The following PBX1 variants were observed in gnomAD, a reference collection of about 807,000 sequenced individuals.
PBX1 encodes PBX homeobox 1.
In PBX1, 6 loss-of-function variants were observed where a neutral mutation model predicts 53.4. The ratio of observed to expected loss-of-function variants is 0.11; its 90% confidence interval spans 0.06 to 0.22. The LOEUF (loss-of-function observed/expected upper bound fraction) is 0.22, where lower values mean the gene tolerates loss of function less well. Ranked by LOEUF, PBX1 falls within the 10% of genes least tolerant of loss-of-function variation. The probability of loss-of-function intolerance (pLI) is 1.00; values close to 1 mark genes in which losing one functional copy is unlikely to be tolerated. For synonymous variants in PBX1, 204 were observed against 212.3 expected, an observed-to-expected ratio of 0.96 and a Z score of 0.34; for missense variants, 251 against 551.4, an observed-to-expected ratio of 0.46 and a Z score of 5.46.
At chr1:164,728,664 C>T (rs1184740810) in intron 2 of PBX1, among the ~76,000 whole-genome samples, 2 of 152,126 alleles carry the variant, frequency 1.3e-5, no homozygotes, top group African/African-American at 4.8e-5. Context: ...CTTCATTCAA[C>T]AGAAGGAGGG....
Position 164,566,949 on chromosome 1 carries a change from A to G in PBX1, c.265+3638A>G, listed in dbSNP as rs542025929. Among the ~76,000 whole-genome samples the G allele has an allele frequency of 4.6e-5, 7 of 152,294 alleles. No individual in the cohort carries two copies. The South Asian group carries it at 1.5e-3, about 32-fold the overall frequency. On this transcript the variant is annotated intron_variant, in intron 2 of 8. Transcript: ENST00000420696. ...AAAAAAATTTATTTTTTGCTCCTTA[A>G]CACCCTTTTGTTCTCTCTCTTTCCT...
intron 2 of PBX1, among the ~76,000 whole-genome samples, chr1:164,670,465 A>G (rs1661052418): frequency 6.6e-6 from 1 of 151,916 alleles, no homozygotes; most frequent in African/African-American, 2.4e-5. Flanking sequence ...ACCCCGTGTG[A>G]CTCCTGTATT....
At chr1:164,560,247 T>A in intron 1 of PBX1, 1 of 437,828 alleles carries the variant, frequency 2.3e-6, no homozygotes, top group Admixed American at 4.1e-5. Flanking sequence ...TGTGTGTGTG[T>A]GAATATAGGG....
intron 2 of PBX1, among the ~76,000 whole-genome samples, chr1:164,717,067 G>A (rs1252209746): frequency 6.6e-6 from 1 of 152,130 alleles, no homozygotes; most frequent in Admixed American, 6.5e-5. Context: ...ATACACGAAC[G>A]CAGAATGGTC....
chr1:164,860,602 C>T (rs1017556768), intron 2 of PBX1, among the ~76,000 whole-genome samples: 4 of 152,198 alleles, frequency 2.6e-5, no homozygotes, highest in African/African-American at 7.2e-5. Flanking sequence ...GACCCACTTA[C>T]GTACTCCTTC....
chr1:164,678,123 A>T (rs1199936113), intron 2 of PBX1, among the ~76,000 whole-genome samples: 1 of 152,068 alleles, frequency 6.6e-6, no homozygotes, highest in African/African-American at 2.4e-5. Flanking sequence ...AACAGAGGAG[A>T]TATAGTGAAA....
In PBX1 at chr1:164,815,244, A is replaced by G. The variant is rs12032994; in HGVS notation, c.997+3095A>G. ...CTGCAGAGGATTTTAACATCCAAGA[A>G]GAAAGAAATTGACTTGTGCATTACA... On this transcript the variant is annotated intron_variant, in intron 6 of 8. Coordinates refer to ENST00000420696, the MANE Select transcript of PBX1 (RefSeq NM_002585.4). 22 of 152,384 alleles carry G rather than the reference A, an allele frequency of 1.4e-4. No homozygotes were observed. The East Asian group carries it at 4.2e-3, about 29-fold the overall frequency. 9.4% of individuals were successfully genotyped at this position (152,384 alleles called of 1,614,324 possible). A position where few individuals can be genotyped will look rare whatever the true frequency, so the allele number is the denominator to read the frequency against.
chr1:164,584,600 C>T (rs1052044809), intron 2 of PBX1, among the ~76,000 whole-genome samples: 3 of 152,064 alleles, frequency 2.0e-5, no homozygotes, highest in Non-Finnish European at 4.4e-5. Flanking sequence ...TCTCTGTTTT[C>T]TGAGTTAAGA....
chr1:164,636,533 G>A (rs191766904), intron 2 of PBX1, among the ~76,000 whole-genome samples: 103 of 152,176 alleles, frequency 6.8e-4, no homozygotes, highest in East Asian at 6.2e-3. Flanking sequence ...ACTTGCTGAC[G>A]TAGTATTTCC....
intron 2 of PBX1, among the ~76,000 whole-genome samples, chr1:164,660,121 C>T (rs371197284): frequency 6.6e-6 from 1 of 152,054 alleles, no homozygotes; most frequent in South Asian, 2.1e-4. Flanking sequence ...GGGTTGGGGG[C>T]AATATTCTAC....
intron 2 of PBX1, among the ~76,000 whole-genome samples, chr1:164,618,950 C>T (rs1407474400): frequency 6.6e-6 from 1 of 152,164 alleles, no homozygotes; most frequent in East Asian, 1.9e-4. Flanking sequence ...AGGCACTTAC[C>T]TTTTAATTGG....
At chr1:164,671,535 T>C (rs1298891443) in intron 2 of PBX1, among the ~76,000 whole-genome samples, 1 of 152,204 alleles carries the variant, frequency 6.6e-6, no homozygotes, top group African/African-American at 2.4e-5. Flanking sequence ...TTTCCCTTGC[T>C]GTTTTACCGC....
intron 2 of PBX1, chr1:164,684,571 T>A (rs1360459837): frequency 6.6e-6 from 1 of 152,214 alleles, no homozygotes; most frequent in Non-Finnish European, 1.5e-5. Flanking sequence ...AGACTGTATT[T>A]AGATATTTCT....
At chr1:164,659,645 T>A (rs1660368476) in intron 2 of PBX1, among the ~76,000 whole-genome samples, 1 of 152,134 alleles carries the variant, frequency 6.6e-6, no homozygotes, top group Non-Finnish European at 1.5e-5. Context: ...AGAACCTGCC[T>A]CCCCCTTCAC....
intron 2 of PBX1, among the ~76,000 whole-genome samples, chr1:164,608,494 G>A (rs1656699098): frequency 6.6e-6 from 1 of 152,188 alleles, no homozygotes; most frequent in South Asian, 2.1e-4. Context: ...ACTTTTGTAA[G>A]TATTTAACTT....
chr1:164,826,709 T>C (rs1029740521), intron 8 of PBX1, among the ~76,000 whole-genome samples: 2 of 152,204 alleles, frequency 1.3e-5, no homozygotes, highest in East Asian at 3.8e-4. Flanking sequence ...CTGGCCACTA[T>C]ATTTAATTGT....
chr1:164,842,138 G>A (rs1018968083), intron 8 of PBX1, among the ~76,000 whole-genome samples: 1 of 152,148 alleles, frequency 6.6e-6, no homozygotes. Context: ...GCTGCTCAGG[G>A]CTAAAAGCAG....
intron 2 of PBX1, among the ~76,000 whole-genome samples, chr1:164,599,719 C>A (rs745464901): frequency 1.3e-5 from 2 of 152,284 alleles, no homozygotes; most frequent in South Asian, 4.2e-4. Flanking sequence ...AGCTTAGATT[C>A]AATGGGTTGT....
intron 2 of PBX1, among the ~76,000 whole-genome samples, chr1:164,660,150 G>A (rs74117960): frequency 0.019 from 2,952 of 152,276 alleles, 87 homozygotes; most frequent in African/African-American, 0.066. Flanking sequence ...TGATGATAAG[G>A]ACAAGGTTTT....
Sources: allele counts gnomAD v4.1 joint callset (sites outside exome capture counted in the v4.1 genomes callset), GRCh38; gene constraint gnomAD v4.1.1; transcripts MANE v1.5; gene names NCBI Gene and HGNC (gene_info 2026-07-23, HGNC 2026-07-21).